OR3A3: variants seen among roughly 807,000 people sequenced by gnomAD.
The protein encoded by OR3A3 is olfactory receptor family 3 subfamily A member 3.
For missense variants in OR3A3, 275 were observed against 391.4 expected (o/e 0.70, Z 2.51); for synonymous variants, 103 against 163.9 (o/e 0.63, Z 2.84).
intron 2 of OR3A3, among the ~76,000 whole-genome samples, chr17:3,412,534 G>A (rs2072368063): frequency 6.7e-6 from 1 of 148,316 alleles, no homozygotes; most frequent in African/African-American, 2.5e-5. Flanking sequence ...GTCACAGCTC[G>A]TAAGGGGAGC....
chr17:3,421,048 G>A (rs1422634240), exon 3 of OR3A3: 3 of 1,614,018 alleles, frequency 1.9e-6, no homozygotes, highest in African/African-American at 2.7e-5. Flanking sequence ...CTGGGCTTGT[G>A]CCTTCACCAA....
intron 2 of OR3A3, among the ~76,000 whole-genome samples, chr17:3,414,661 G>A (rs2072380481): frequency 6.6e-6 from 1 of 152,130 alleles, no homozygotes; most frequent in African/African-American, 2.4e-5. Flanking sequence ...AATCACCTCA[G>A]GATGTCAGAG....
chr17:3,421,661 C>A, exon 3 of OR3A3: 3 of 1,019,950 alleles, frequency 2.9e-6, no homozygotes, highest in Non-Finnish European at 4.2e-6. Flanking sequence ...ATGTGTTTGG[C>A]CTACAAGGAA....
chr17:3,420,741 C>A, exon 3 of OR3A3: 2 of 1,402,778 alleles, frequency 1.4e-6, no homozygotes, highest in African/African-American at 3.0e-5. Context: ...TGGCAGCCGT[C>A]TTGGTGGAGC....
At chr17:3,413,408 G>A (rs1285142069) in intron 2 of OR3A3, among the ~76,000 whole-genome samples, 1 of 152,174 alleles carries the variant, frequency 6.6e-6, no homozygotes, top group Admixed American at 6.5e-5. Context: ...GTACAGAGCT[G>A]TTACCTACCC....
At chr17:3,420,411 TG>T (rs1366795783) in intron 2 of OR3A3, among the ~76,000 whole-genome samples, 168 bp from the exon 3 acceptor site, 1 of 152,136 alleles carries the variant, frequency 6.6e-6, no homozygotes, top group African/African-American at 2.4e-5. Context: ...AGGGACAAGG[TG>T]GTGGTGGCAT....
intron 2 of OR3A3, among the ~76,000 whole-genome samples, chr17:3,413,495 C>T (rs1340611411): frequency 1.3e-5 from 2 of 152,126 alleles, no homozygotes; most frequent in Non-Finnish European, 2.9e-5. Flanking sequence ...GATTTCTTCC[C>T]ACTCCCAAGT....
chr17:3,419,864 C>A (rs2072417109), intron 2 of OR3A3, among the ~76,000 whole-genome samples: 1 of 151,246 alleles, frequency 6.6e-6, no homozygotes, highest in Non-Finnish European at 1.5e-5. Flanking sequence ...CTCCCAGGTT[C>A]ACGCCATTCT....
chr17:3,421,554 C>G, exon 3 of OR3A3: 1 of 1,515,460 alleles, frequency 6.6e-7, no homozygotes, highest in Non-Finnish European at 8.8e-7. Context: ...CCTTTCCTGC[C>G]TTTTCTGGAC....
At chr17:3,419,729 CTTTTTTTTTT>C (rs564569456) in intron 2 of OR3A3, among the ~76,000 whole-genome samples, 3 of 98,906 alleles carry the variant, frequency 3.0e-5, no homozygotes, top group Non-Finnish European at 6.5e-5. Context: ...AAAATTCTAT[CTTTTTTTTTT>C]TTTTTTTTTT....
rs571292855 is a variant in OR3A3 at position 3,420,426 on chromosome 17, G to A, written c.-6-154G>A. ...AGGGACAAGGTGGTGGTGGCATTCG[G>A]CATCTCAACCAAGAGCAAGGTAAAG... On this transcript the variant is annotated intron_variant, in intron 2 of 2. Coordinates refer to ENST00000641141, the Ensembl canonical transcript of OR3A3. 5.4e-5 allele frequency: 69 copies of A among 1,282,518 alleles called. No individual in the cohort carries two copies. The African/African-American group carries it at 9.1e-4, about 17-fold the overall frequency. 79.4% of individuals were successfully genotyped at this position (1,282,518 alleles called of 1,614,324 possible). A position where few individuals can be genotyped will look rare whatever the true frequency, so the allele number is the denominator to read the frequency against.
chr17:3,411,729 C>G (rs1406006164), intron 1 of OR3A3, among the ~76,000 whole-genome samples: 1 of 152,192 alleles, frequency 6.6e-6, no homozygotes, highest in Non-Finnish European at 1.5e-5. Flanking sequence ...TATAGAGTCT[C>G]CAGCTGCACC....
chr17:3,416,916 C>A (rs2072395369), intron 2 of OR3A3, among the ~76,000 whole-genome samples: 1 of 152,096 alleles, frequency 6.6e-6, no homozygotes, highest in East Asian at 1.9e-4. Context: ...AATTCTAGAA[C>A]TTGTTCCTTT....
intron 2 of OR3A3, among the ~76,000 whole-genome samples, chr17:3,413,924 C>T (rs1251003660): frequency 6.6e-6 from 1 of 152,150 alleles, no homozygotes; most frequent in Non-Finnish European, 1.5e-5. Context: ...TCTGCAGCTT[C>T]CCCGTGGCCT....
chr17:3,421,237 AG>A lies in OR3A3; in HGVS notation c.653del (p.Ser218MetfsTer8). 6.2e-7 allele frequency: 1 copy of A among 1,614,134 alleles called. No individual in the cohort carries two copies. The highest frequency in any genetic ancestry group is 1.1e-5 in the South Asian group (1 of 91,080). ...GGCTGTGGCACCCTTGGTCTTCATC[AG>A]TGTGTCCTATGCCCATGTGGTAGCT... On this transcript the variant is annotated frameshift_variant, in exon 3 of 3. Transcript: ENST00000641141. LOFTEE classifies it low-confidence loss of function (END_TRUNC).
chr17:3,423,194 T>C (rs2072447701), exon 3 of OR3A3: 2 of 152,256 alleles, frequency 1.3e-5, no homozygotes, highest in South Asian at 4.1e-4. Flanking sequence ...CAAGATTTTC[T>C]ATCCACGGTT....
chr17:3,418,880 G>T (rs150873347), intron 2 of OR3A3, among the ~76,000 whole-genome samples: 15 of 152,298 alleles, frequency 9.8e-5, no homozygotes, highest in African/African-American at 3.6e-4. Context: ...ACATAATTCA[G>T]TATGGCTTTC....
At chr17:3,418,565 C>T (rs997953875) in intron 2 of OR3A3, among the ~76,000 whole-genome samples, 18 of 152,306 alleles carry the variant, frequency 1.2e-4, no homozygotes, top group African/African-American at 4.1e-4. Context: ...CAACCATTTC[C>T]ACTTTTATAA....
At chr17:3,421,105 C>G in exon 3 of OR3A3, 1 of 1,614,126 alleles carries the variant, frequency 6.2e-7, no homozygotes, top group Non-Finnish European at 8.5e-7. Context: ...CTTCTGTGGC[C>G]CCAATGAGGT....
Sources: gnomAD v4.1 joint callset for allele counts (sites outside exome capture counted in the v4.1 genomes callset) on GRCh38, gnomAD v4.1.1 for gene constraint, MANE v1.5 for transcripts, NCBI Gene and HGNC (gene_info 2026-07-23, HGNC 2026-07-21) for gene names.